Variants in HECA observed in about 807,000 individuals in gnomAD.
HECA encodes the protein headcase protein homolog.
Under a neutral mutation model 37.6 loss-of-function variants are expected in HECA, and 13 were observed. That is an observed-to-expected ratio of 0.35 (90% confidence interval 0.23 to 0.55). The LOEUF is 0.55. Among genes scored for constraint, HECA ranks in the 20% least tolerant of loss-of-function variants. The pLI is 0.90. For synonymous variants in HECA, 307 were observed against 291.5 expected (o/e 1.05, Z -0.54); for missense variants, 527 against 701.9 (o/e 0.75, Z 2.82).
At chr6:139,146,200 T>G (rs1774581775) in intron 1 of HECA, among the ~76,000 whole-genome samples, 1 of 152,214 alleles carries the variant, frequency 6.6e-6, no homozygotes, top group South Asian at 2.1e-4. Flanking sequence ...TCATAACACG[T>G]GATCAAGAGG....
chr6:139,142,455 C>T (rs1774527086), intron 1 of HECA, among the ~76,000 whole-genome samples: 1 of 152,066 alleles, frequency 6.6e-6, no homozygotes, highest in African/African-American at 2.4e-5. Context: ...TTGCTGTGGT[C>T]AGAGTGCTTT....
chr6:139,174,036 A>T (rs1304471460), intron 2 of HECA, among the ~76,000 whole-genome samples: 1 of 152,226 alleles, frequency 6.6e-6, no homozygotes, highest in African/African-American at 2.4e-5. Context: ...ACTTTTGAGC[A>T]GGAAGTCCTG....
At chr6:139,140,235 G>T (rs573623849) in intron 1 of HECA, among the ~76,000 whole-genome samples, 67 of 152,272 alleles carry the variant, frequency 4.4e-4, no homozygotes, top group Non-Finnish European at 7.8e-4. Flanking sequence ...AAAAATGTTT[G>T]CTTGCTGTTT....
At position 139,176,797 on chromosome 6, in the gene HECA, G is replaced by GTA. The variant is rs968578441; in HGVS notation, c.1468-141_1468-140dup. ...AGGAGAGAAGTTGGGAGTCTTTCAG[G>GTA]TATACCCCGTTTCCATGTTTTTGGT... On this transcript the variant is annotated intron_variant, in intron 3 of 3. Transcript: ENST00000367658. The surrounding 1 kb of genome is among the most constrained non-coding windows in gnomAD (Gnocchi z 4.5). The GTA allele has an allele frequency of 9.8e-6, 6 of 615,324 alleles. No homozygotes were observed. The highest frequency in any genetic ancestry group is 1.8e-5 in the Non-Finnish European group (6 of 340,390). The allele number at this position is 615,324 out of a possible 1,614,324, so 38.1% of individuals were successfully genotyped here.
intron 1 of HECA, among the ~76,000 whole-genome samples, chr6:139,142,271 A>G (rs576631909): frequency 2.0e-5 from 3 of 152,216 alleles, no homozygotes; most frequent in African/African-American, 7.2e-5. Flanking sequence ...ATACTGTTGC[A>G]CTGGGGATTA....
At chr6:139,143,414 G>C (rs1774540404) in intron 1 of HECA, among the ~76,000 whole-genome samples, 1 of 152,092 alleles carries the variant, frequency 6.6e-6, no homozygotes, top group Non-Finnish European at 1.5e-5. Context: ...TACCGTGCAA[G>C]TTTTTATTCA....
chr6:139,138,759 A>G (rs1432556458), intron 1 of HECA, among the ~76,000 whole-genome samples: 1 of 152,226 alleles, frequency 6.6e-6, no homozygotes, highest in African/African-American at 2.4e-5. Flanking sequence ...TTAGGATATC[A>G]TACCGCTAAT....
chr6:139,153,424 A>T (rs1333178147), intron 1 of HECA, among the ~76,000 whole-genome samples: 3 of 143,656 alleles, frequency 2.1e-5, no homozygotes, highest in South Asian at 2.2e-4. Context: ...AAATAATGTA[A>T]TTTTTTTTTT....
At chr6:139,157,868 TGA>T (rs918440037) in intron 1 of HECA, among the ~76,000 whole-genome samples, 35 of 151,872 alleles carry the variant, frequency 2.3e-4, no homozygotes, top group African/African-American at 7.7e-4. Context: ...AGGGGGCAAA[TGA>T]GAGGGGGTGA....
chr6:139,149,426 CGTT>C (rs1446662203), intron 1 of HECA, among the ~76,000 whole-genome samples: 2 of 152,290 alleles, frequency 1.3e-5, no homozygotes, highest in East Asian at 1.9e-4. Flanking sequence ...AAAAGCAAAT[CGTT>C]GTGCCATGAT....
intron 1 of HECA, among the ~76,000 whole-genome samples, chr6:139,146,030 A>G (rs575304265): frequency 6.8e-5 from 7 of 102,564 alleles, no homozygotes; most frequent in Non-Finnish European, 1.6e-4. Context: ...ACCCCCTCAC[A>G]ATATATTGCC....
intron 1 of HECA, among the ~76,000 whole-genome samples, chr6:139,140,957 A>AT (rs1202781933): frequency 6.6e-6 from 1 of 152,026 alleles, no homozygotes. Context: ...TGCCCGGCTA[A>AT]TTTTTTGTAT....
chr6:139,166,204 A>AT (rs1774883214), intron 1 of HECA, 80 bp from the exon 2 acceptor site: 1 of 1,142,276 alleles, frequency 8.8e-7, no homozygotes, highest in African/African-American at 1.6e-5. Context: ...GAAAAACCTT[A>AT]TACCATACTG....
intron 1 of HECA, chr6:139,166,000 A>C: frequency 3.2e-6 from 1 of 312,438 alleles, no homozygotes; most frequent in Non-Finnish European, 5.8e-6. Flanking sequence ...AATCGGTATG[A>C]GACCGTCTAT....
Position 139,180,608 on chromosome 6 carries a change from C to G in HECA, c.*3503C>G, listed in dbSNP as rs1367961520. ...AATGGATGGGCTCCATTAAAACCAG[C>G]TCAAAAATAAATTCTTGTCAGTAAA... On this transcript the variant is annotated 3_prime_UTR_variant, in exon 4 of 4. Coordinates refer to ENST00000367658, the MANE Select transcript of HECA (RefSeq NM_016217.3). 1 of 152,614 alleles carries G rather than the reference C, an allele frequency of 6.6e-6. No homozygotes were observed. The highest frequency in any genetic ancestry group is 2.1e-4 in the South Asian group (1 of 4,834). 9.5% of individuals were successfully genotyped at this position (152,614 alleles called of 1,614,324 possible). A position where few individuals can be genotyped will look rare whatever the true frequency, so the allele number is the denominator to read the frequency against.
chr6:139,149,470 T>C (rs78029475), intron 1 of HECA, among the ~76,000 whole-genome samples: 3,279 of 152,308 alleles, frequency 0.022, 124 homozygotes, highest in African/African-American at 0.074. Flanking sequence ...TAGGTGAGTT[T>C]TTGGTTCTCT....
intron 1 of HECA, among the ~76,000 whole-genome samples, chr6:139,141,376 T>C (rs1774510742): frequency 6.6e-6 from 1 of 152,250 alleles, no homozygotes; most frequent in Non-Finnish European, 1.5e-5. Flanking sequence ...TTGTGGACAT[T>C]TTAGCAGAGC....
rs555263911 is a variant in HECA at position 139,149,090 on chromosome 6, CT to C, written c.271+13424del. Reference sequence around the variant, plus strand: ...TAAGAAAGTTCTCATTTTTCTCCTTCTGGCACTTGAACTGAAATTACATGTG... The same window carrying C: ...TAAGAAAGTTCTCATTTTTCTCCTTCGGCACTTGAACTGAAATTACATGTG... On this transcript the variant is annotated intron_variant, in intron 1 of 3. Transcript: ENST00000367658. Among the ~76,000 whole-genome samples, 388 of 152,232 alleles carry C rather than the reference CT, an allele frequency of 2.5e-3. 1 individual carries two copies. Among genetic ancestry groups the C allele is most frequent in the African/African-American group, 9.1e-3 (380 of 41,548 alleles).
In HECA at chr6:139,178,938, T is replaced by C. The variant is rs1212162552; in HGVS notation, c.*1833T>C. On this transcript the variant is annotated 3_prime_UTR_variant, in exon 4 of 4. Transcript: ENST00000367658. ...AAACAATACAGCATTAAAGAACCAA[T>C]GTTATTCACTAATATCATTCATCTT... 1.3e-5 allele frequency: 2 copies of C among 152,226 alleles called. No homozygotes were observed. The highest frequency in any genetic ancestry group is 2.9e-5 in the Non-Finnish European group (2 of 68,044). The allele number at this position is 152,226 out of a possible 1,614,324, so 9.4% of individuals were successfully genotyped here. A position where few individuals can be genotyped will look rare whatever the true frequency, so the allele number is the denominator to read the frequency against.
Sources: gnomAD v4.1 joint callset for allele counts (sites outside exome capture counted in the v4.1 genomes callset) on GRCh38, gnomAD v4.1.1 for gene constraint, Gnocchi (gnomAD v3.1) non-coding constraint, MANE v1.5 for transcripts, NCBI Gene and HGNC (gene_info 2026-07-23, HGNC 2026-07-21) for gene names.